The following CELSR1 variants were observed in gnomAD, a reference collection of about 807,000 sequenced individuals.
CELSR1 encodes the protein adhesion G protein-coupled receptor C1.
CELSR1 carries 110 observed loss-of-function variants against 249.1 expected under a neutral mutation model. That is an observed-to-expected ratio of 0.44 (90% CI 0.38 to 0.52). The LOEUF (loss-of-function observed/expected upper bound fraction) is 0.52. Ranked by LOEUF, CELSR1 falls within the 20% of genes least tolerant of loss-of-function variation. CELSR1 has a pLI of 0.00. For synonymous variants in CELSR1, 2,113 were observed against 1,900.0 expected, an observed-to-expected ratio of 1.11 and a Z score of -2.92; for missense variants, 4,109 against 4,296.4, an observed-to-expected ratio of 0.96 and a Z score of 1.22.
At position 46,535,985 on chromosome 22, in the gene CELSR1, C is replaced by A. The variant is rs761345110; in HGVS notation, c.1186G>T (p.Ala396Ser). 20 of 1,610,612 alleles carry A rather than the reference C, an allele frequency of 1.2e-5. No individual in the cohort carries two copies. The Admixed American group carries it at 3.3e-4, about 27-fold the overall frequency. ...TCGTTGAGCTGGAAGACGTCCCACG[C>A]GCCCCCCAACACGCGGTAACGCAAG... ...ANLRYRVLGG[A>S]WDVFQLNESS... Residue 396 changes from alanine to serine, a missense_variant, in exon 1 of 35, where the codon GCG becomes TCG. Ala to Ser is a moderately conservative substitution (Grantham distance 99, BLOSUM62 1). Transcript: ENST00000674500.
In CELSR1 at chr22:46,373,061, C is replaced by A. The variant is rs1343477616; in HGVS notation, c.7585-4G>T. The A allele has an allele frequency of 6.3e-7, 1 of 1,593,204 alleles. No individual in the cohort carries two copies. Among genetic ancestry groups the A allele is most frequent in the Non-Finnish European group, 8.6e-7 (1 of 1,167,970 alleles). On this transcript the variant is annotated splice_region_variant and splice_polypyrimidine_tract_variant and intron_variant, in intron 24 of 34. Coordinates refer to ENST00000674500, the MANE Select transcript of CELSR1 (RefSeq NM_001378328.1). ...TGGCAACCACTGTGCACAGAAACTG[C>A]GCAGGGAGGGGCCGCTCAGCAAGGG...
At position 46,403,242 on chromosome 22, in the gene CELSR1, C is replaced by A. The variant is rs374847415; in HGVS notation, c.5227-3340G>T. On this transcript the variant is annotated intron_variant, in intron 9 of 34. Coordinates refer to ENST00000674500, the MANE Select transcript of CELSR1 (RefSeq NM_001378328.1). The stretch of plus-strand genomic sequence containing the variant: ...CTCTCAGTAAGTGAGGAGACAAAGA[C>A]AAAAAAACAATAATTAAAACCAATA... 1.7e-3 allele frequency among the ~76,000 whole-genome samples: 256 copies of A among 152,020 alleles called. 1 individual carries two copies. Among genetic ancestry groups the A allele is most frequent in the African/African-American group, 5.6e-3 (232 of 41,488 alleles).
chr22:46,488,514 G>A lies in CELSR1; in HGVS notation c.3545-24169C>T, dbSNP rs1295429520. ...GAACACGGCTTGAACCCACACCAAG[G>A]CTGGACTCGGCACAGGCCAGAGGGA... On this transcript the variant is annotated intron_variant, in intron 1 of 34. Transcript: ENST00000674500. This position sits in a 1 kb window ranked among gnomAD's most constrained non-coding sequence, Gnocchi z 4.7. Among the ~76,000 whole-genome samples, 2 of 152,172 alleles carry A rather than the reference G, an allele frequency of 1.3e-5. No homozygotes were observed. The highest frequency in any genetic ancestry group is 2.4e-5 in the African/African-American group (1 of 41,438).
intron 1 of CELSR1, among the ~76,000 whole-genome samples, chr22:46,469,998 G>GGATGAGGGGAGGGAGGGAGGAGGA: frequency 7.8e-6 from 1 of 128,414 alleles, no homozygotes; most frequent in Non-Finnish European, 1.7e-5. Context: ...GAGGGAGGGA[G>GGATGAGGGGAGGGAGGGAGGAGGA]GGAGAGGCAA....
intron 1 of CELSR1, among the ~76,000 whole-genome samples, chr22:46,532,981 G>A (rs2080807861): frequency 6.6e-6 from 1 of 152,100 alleles, no homozygotes; most frequent in Non-Finnish European, 1.5e-5. Context: ...CCACTAACTG[G>A]GCAGGCCTCT....
intron 23 of CELSR1, chr22:46,377,575 C>T: frequency 2.5e-6 from 1 of 397,114 alleles, no homozygotes; most frequent in Non-Finnish European, 4.7e-6. Flanking sequence ...ACTCTCACTC[C>T]AGCCTCCTTT....
intron 28 of CELSR1, among the ~76,000 whole-genome samples, 165 bp downstream of exon 28, chr22:46,367,564 G>A (rs1202185647): frequency 2.0e-5 from 3 of 152,218 alleles, no homozygotes; most frequent in Non-Finnish European, 4.4e-5. Flanking sequence ...ACCAGCCCCC[G>A]TGCCGGCTGC....
chr22:46,531,865 G>A (rs1173662555), intron 1 of CELSR1, among the ~76,000 whole-genome samples: 1 of 152,112 alleles, frequency 6.6e-6, no homozygotes, highest in Non-Finnish European at 1.5e-5. Context: ...GGTCTGGGGG[G>A]TGGTGTGGAT....
rs2080169915 is a variant in CELSR1 at position 46,472,865 on chromosome 22, T to C, written c.3545-8520A>G. ...GGCCTCTGCCTCTGCGCCAAGTGGC[T>C]ATGGCTCTCCCTGTGTCGTCACGGC... On this transcript the variant is annotated intron_variant, in intron 1 of 34. Coordinates refer to ENST00000674500, the MANE Select transcript of CELSR1 (RefSeq NM_001378328.1). This position sits in a 1 kb window ranked among gnomAD's most constrained non-coding sequence, Gnocchi z 7.0. Among the ~76,000 whole-genome samples, 1 of 152,158 alleles carries C rather than the reference T, an allele frequency of 6.6e-6. No homozygotes were observed. Among genetic ancestry groups the C allele is most frequent in the Non-Finnish European group, 1.5e-5 (1 of 68,030 alleles).
At position 46,534,006 on chromosome 22, in the gene CELSR1, G is replaced by A. The variant is rs777247828; in HGVS notation, c.3165C>T (p.Asp1055=). ...HFFQLDLLNG[D]LRAMVELDFE... ...AGTCCAGCTCCACCATGGCACGCAG[G>A]TCCCCGTTGAGCAGGTCCAGCTGGA... The change falls in exon 1 of 35, where the codon GAC becomes GAT. Residue 1055 remains aspartate, a synonymous_variant. Transcript: ENST00000674500. The surrounding 1 kb of genome is among the most constrained non-coding windows in gnomAD (Gnocchi z 9.7). The A allele has an allele frequency of 1.2e-6, 2 of 1,613,662 alleles. No homozygotes were observed. The highest frequency in any genetic ancestry group is 1.3e-5 in the African/African-American group (1 of 75,044).
In CELSR1 at chr22:46,512,753, C is replaced by T. The variant is rs548675605; in HGVS notation, c.3544+20874G>A. Among the ~76,000 whole-genome samples the T allele has an allele frequency of 3.9e-5, 6 of 152,190 alleles. No individual in the cohort carries two copies. The highest frequency in any genetic ancestry group is 1.9e-4 in the East Asian group (1 of 5,188). ...CACAGCTCCTGCTTATAGAGGGTAG[C>T]GGGTTTCCGTTCCCTGCCATCCAGA... On this transcript the variant is annotated intron_variant, in intron 1 of 34. Coordinates refer to ENST00000674500, the MANE Select transcript of CELSR1 (RefSeq NM_001378328.1). The surrounding 1 kb of genome is among the most constrained non-coding windows in gnomAD (Gnocchi z 5.2).
In CELSR1 at chr22:46,373,421, CG is replaced by C. The variant is rs536477998; in HGVS notation, c.7585-365del. On this transcript the variant is annotated intron_variant, in intron 24 of 34. Coordinates refer to ENST00000674500, the MANE Select transcript of CELSR1 (RefSeq NM_001378328.1). The stretch of plus-strand genomic sequence containing the variant: ...TTCACACCCAGTGCTCTGGGCGGGG[CG>C]GGGGGGCAGCTTCACACCCAGTGCT... Among the ~76,000 whole-genome samples the C allele has an allele frequency of 6.0e-4, 74 of 123,976 alleles. No homozygotes were observed. In the South Asian group the frequency reaches 0.015, roughly 25 times the overall value. 81.3% of individuals were successfully genotyped at this position (123,976 alleles called of 152,430 possible). A position where few individuals can be genotyped will look rare whatever the true frequency, so the allele number is the denominator to read the frequency against.
chr22:46,456,333 C>T (rs2147542539), intron 2 of CELSR1, among the ~76,000 whole-genome samples: 1 of 152,258 alleles, frequency 6.6e-6, no homozygotes, highest in African/African-American at 2.4e-5. Context: ...CAGCAGATCA[C>T]ATGAAGATGG....
chr22:46,534,736 C>A lies in CELSR1; in HGVS notation c.2435G>T (p.Ser812Ile). The A allele has an allele frequency of 6.2e-7, 1 of 1,613,214 alleles. No homozygotes were observed. Among genetic ancestry groups the A allele is most frequent in the East Asian group, 2.2e-5 (1 of 44,886 alleles). The change falls in exon 1 of 35, where the codon AGT (serine) becomes ATT (isoleucine). Residue 812 changes from serine (S) to isoleucine (I), a missense_variant. Transcript: ENST00000674500. The surrounding 1 kb of genome is among the most constrained non-coding windows in gnomAD (Gnocchi z 9.7). ...RPVGTSIATL[S>I]ANDEDTGENA... Reference sequence around the variant, plus strand: ...CTCTCCTGTGTCCTCATCGTTGGCACTGAGGGTAGCAATGGAGGTGCCCAC... The same window carrying A: ...CTCTCCTGTGTCCTCATCGTTGGCAATGAGGGTAGCAATGGAGGTGCCCAC...
intron 27 of CELSR1, among the ~76,000 whole-genome samples, chr22:46,368,748 G>T (rs2078816203): frequency 6.6e-6 from 1 of 152,042 alleles, no homozygotes; most frequent in Non-Finnish European, 1.5e-5. Flanking sequence ...GGTTCCCTCT[G>T]TGCTGGGCCC....
rs1023891963 is a variant in CELSR1 at position 46,427,536 on chromosome 22, A to C, written c.4611+5857T>G. Reference sequence around the variant, plus strand: ...GACAGAGCGGGACTCCATCTCAAAAATAAAATAAATAAAATACACCCTACA... The same window carrying C: ...GACAGAGCGGGACTCCATCTCAAAACTAAAATAAATAAAATACACCCTACA... On this transcript the variant is annotated intron_variant, in intron 5 of 34. Transcript: ENST00000674500. This position sits in a 1 kb window ranked among gnomAD's most constrained non-coding sequence, Gnocchi z 4.2. Among the ~76,000 whole-genome samples the C allele has an allele frequency of 4.6e-5, 7 of 152,342 alleles. No individual in the cohort carries two copies. In the South Asian group the frequency reaches 1.2e-3, roughly 27 times the overall value.
chr22:46,439,487 C>G, intron 2 of CELSR1, 76 bp from the exon 3 acceptor site: 1 of 1,179,516 alleles, frequency 8.5e-7, no homozygotes, highest in Admixed American at 2.1e-5. Context: ...TGTCGCAGAC[C>G]CTGGACACAC....
intron 1 of CELSR1, among the ~76,000 whole-genome samples, chr22:46,497,691 A>T (rs1271963670): frequency 6.6e-6 from 1 of 152,208 alleles, no homozygotes; most frequent in Non-Finnish European, 1.5e-5. Context: ...AAGTCATGTT[A>T]CATGTTCTGG....
At chr22:46,375,071 C>T (rs538690661) in intron 24 of CELSR1, among the ~76,000 whole-genome samples, 3 of 152,300 alleles carry the variant, frequency 2.0e-5, no homozygotes, top group South Asian at 2.1e-4. Flanking sequence ...CCTGCCTTCC[C>T]TCTTGAGGTA....
Sources: gnomAD v4.1 joint callset for allele counts (sites outside exome capture counted in the v4.1 genomes callset) on GRCh38, gnomAD v4.1.1 for gene constraint, Gnocchi (gnomAD v3.1) non-coding constraint, MANE v1.5 for transcripts, NCBI Gene and HGNC (gene_info 2026-07-23, HGNC 2026-07-21) for gene names.